The following C19orf44 variants were observed in gnomAD, a reference collection of about 807,000 sequenced individuals.
C19orf44 encodes the protein chromosome 19 open reading frame 44.
A neutral mutation model predicts 50.7 loss-of-function variants in C19orf44; 43 were observed. That is an observed-to-expected ratio of 0.85 (90% confidence interval 0.66 to 1.09). C19orf44 has a LOEUF of 1.09. C19orf44 is among the 50% of genes least tolerant of loss of function. The pLI is 0.00. For missense variants in C19orf44, 722 were observed against 836.2 expected (o/e 0.86, Z 1.68); for synonymous variants, 298 against 334.7 (o/e 0.89, Z 1.20).
Position 16,509,704 on chromosome 19 carries a change from T to G in C19orf44, c.1355T>G (p.Met452Arg), listed in dbSNP as rs140516141. 6.2e-7 allele frequency: 1 copy of G among 1,614,254 alleles called. No homozygotes were observed. Among genetic ancestry groups the G allele is most frequent in the Non-Finnish European group, 8.5e-7 (1 of 1,180,052 alleles). ...SAIQQDSTSS[M>R]QPPSEAPMVN... ...ATCCAGCAGGACAGCACTTCCAGCATGCAGCCACCATCTGAAGCCCCCATG... is the reference window on the plus strand; with the variant it reads ...ATCCAGCAGGACAGCACTTCCAGCAGGCAGCCACCATCTGAAGCCCCCATG... The change falls in exon 5 of 9, where the codon ATG becomes AGG. Residue 452 changes from methionine (M) to arginine (R), a missense_variant. Transcript: ENST00000221671.
At chr19:16,512,990 C>T (rs758687111) in intron 5 of C19orf44, 24 bp from the exon 6 acceptor site, 9 of 1,605,390 alleles carry the variant, frequency 5.6e-6, no homozygotes, top group Middle Eastern at 1.7e-4. Context: ...TGCCTGCTTA[C>T]CCCTCTCTTT....
At chr19:16,518,887 G>A (rs2085576585) in intron 8 of C19orf44, 1 of 492,142 alleles carries the variant, frequency 2.0e-6, no homozygotes, top group African/African-American at 2.0e-5. Context: ...AGGGTCTTGT[G>A]TTTTTTGCTT....
intron 1 of C19orf44, among the ~76,000 whole-genome samples, chr19:16,497,205 C>T (rs1375437090): frequency 6.6e-6 from 1 of 151,946 alleles, no homozygotes; most frequent in Non-Finnish European, 1.5e-5. Flanking sequence ...GCCTTGGCCT[C>T]CCAAAGTGCT....
chr19:16,509,310 C>T (rs967995672), intron 4 of C19orf44, among the ~76,000 whole-genome samples, 189 bp from the exon 5 acceptor site: 2 of 152,160 alleles, frequency 1.3e-5, no homozygotes, highest in Admixed American at 6.5e-5. Context: ...CCTGCAGCCC[C>T]GTGGACATGC....
rs758193300 is a variant in C19orf44 at position 16,503,226 on chromosome 19, C to A, written c.921C>A (p.Thr307=). ...CACAGAGTCACGTTTCCAGTGACAC[C>A]GCCTCCCACACGCCGTCAGTTTCCA... ...DYPQSHVSSD[T]ASHTPSVSIT... Residue 307 remains threonine, a synonymous_variant, in exon 3 of 9, where the codon ACC becomes ACA. Coordinates refer to ENST00000221671, the MANE Select transcript of C19orf44 (RefSeq NM_032207.4). 6 of 1,613,968 alleles carry A rather than the reference C, an allele frequency of 3.7e-6. No individual in the cohort carries two copies. The highest frequency in any genetic ancestry group is 1.3e-5 in the African/African-American group (1 of 74,876).
In C19orf44 at chr19:16,509,634, G is replaced by A. The variant is rs1297004940; in HGVS notation, c.1285G>A (p.Glu429Lys). The change falls in exon 5 of 9, where the codon GAG becomes AAG. Residue 429 changes from glutamate to lysine, a missense_variant. By Grantham distance (56) the Glu-to-Lys change is moderately conservative. Transcript: ENST00000221671. ...QGKAASAEGD[E>K]SEVSEHLSAS... ...AAAGGCCGCCTCTGCAGAGGGGGATGAGAGCGAGGTCTCGGAGCATCTCAG... is the reference window on the plus strand; with the variant it reads ...AAAGGCCGCCTCTGCAGAGGGGGATAAGAGCGAGGTCTCGGAGCATCTCAG... 1 of 1,614,256 alleles carries A rather than the reference G, an allele frequency of 6.2e-7. No homozygotes were observed. Among genetic ancestry groups the A allele is most frequent in the Non-Finnish European group, 8.5e-7 (1 of 1,180,054 alleles).
chr19:16,497,431 A>C (rs1403329155), intron 1 of C19orf44, among the ~76,000 whole-genome samples: 2 of 140,990 alleles, frequency 1.4e-5, no homozygotes, highest in Non-Finnish European at 3.0e-5. Flanking sequence ...GCTCACTGCG[A>C]ACTCCGCCTC....
rs746597113 is a variant in C19orf44, at chr19:16,519,192, G to C, written c.*41-902G>C. The stretch of plus-strand genomic sequence containing the variant: ...ACTCGTCCCTGGCCTTCATGCGGGC[G>C]ATGAAGGAGTAGCTCTTGTTCCTGC... On this transcript the variant is annotated intron_variant, in intron 8 of 8. Transcript: ENST00000221671. This position sits in a 1 kb window ranked among gnomAD's most constrained non-coding sequence, Gnocchi z 6.0. 6.2e-7 allele frequency: 1 copy of C among 1,613,938 alleles called. No individual in the cohort carries two copies.
intron 4 of C19orf44, among the ~76,000 whole-genome samples, 167 bp from the exon 5 acceptor site, chr19:16,509,332 C>T (rs765550604): frequency 3.9e-5 from 6 of 152,204 alleles, no homozygotes; most frequent in Non-Finnish European, 7.3e-5. Flanking sequence ...GTACTGAAGA[C>T]GCCACAGTTC....
chr19:16,514,627 C>G lies in C19orf44; in HGVS notation c.1866C>G (p.Asp622Glu), dbSNP rs1667891055. The G allele has an allele frequency of 6.3e-7, 1 of 1,588,134 alleles. No homozygotes were observed. Among genetic ancestry groups the G allele is most frequent in the Non-Finnish European group, 8.6e-7 (1 of 1,168,522 alleles). ...HASLLRSLDA[D>E]SFHYHTLEEA... ...CCCTCCTGCGCTCCCTGGACGCGGA[C>G]TCCTTCCACTACCACACCCTGGAGG... The change falls in exon 7 of 9, where the codon GAC becomes GAG. Residue 622 changes from aspartate (D) to glutamate (E), a missense_variant. Coordinates refer to ENST00000221671, the MANE Select transcript of C19orf44 (RefSeq NM_032207.4).
At position 16,519,975 on chromosome 19, in the gene C19orf44, T is replaced by C. The variant is rs1363901164; in HGVS notation, c.*41-119T>C. 1.4e-6 allele frequency: 1 copy of C among 726,026 alleles called. No homozygotes were observed. The highest frequency in any genetic ancestry group is 2.3e-6 in the Non-Finnish European group (1 of 435,628). The allele number at this position is 726,026 out of a possible 1,614,324, so 45.0% of individuals were successfully genotyped here. A position where few individuals can be genotyped will look rare whatever the true frequency, so the allele number is the denominator to read the frequency against. ...TGGTTAGAAAGCAGACCCCAGTTAC[T>C]GCCTCAGGCTTCGCCAAGTGGCTAC... On this transcript the variant is annotated intron_variant, in intron 8 of 8. Coordinates refer to ENST00000221671, the MANE Select transcript of C19orf44 (RefSeq NM_032207.4). The surrounding 1 kb of genome is among the most constrained non-coding windows in gnomAD (Gnocchi z 6.0).
Position 16,514,559 on chromosome 19 carries a change from C to T in C19orf44, c.1798C>T (p.Leu600=). The stretch of plus-strand genomic sequence containing the variant: ...TGATGTGCTGAAGCAGCAGCTGAGC[C>T]TGACGCAGCAGTTCATCCAGGCCAG... ...LHDVLKQQLS[L]TQQFIQASRH... is the part of the protein sequence containing the mutation. Residue 600 remains leucine, a synonymous_variant, in exon 7 of 9, where the codon CTG becomes TTG. Coordinates refer to ENST00000221671, the MANE Select transcript of C19orf44 (RefSeq NM_032207.4). The T allele has an allele frequency of 6.2e-7, 1 of 1,611,584 alleles. No homozygotes were observed. The highest frequency in any genetic ancestry group is 8.5e-7 in the Non-Finnish European group (1 of 1,179,626).
chr19:16,520,131 C>CTTTATT lies in C19orf44; in HGVS notation c.*80_*81insTATTTT. 1.2e-6 allele frequency: 2 copies of CTTTATT among 1,610,772 alleles called. No homozygotes were observed. The highest frequency in any genetic ancestry group is 1.7e-6 in the Non-Finnish European group (2 of 1,178,372). On this transcript the variant is annotated 3_prime_UTR_variant, in exon 9 of 9. Transcript: ENST00000221671. This position sits in a 1 kb window ranked among gnomAD's most constrained non-coding sequence, Gnocchi z 4.0. ...GCTTCCCAGAGTTACCAGCGCAGCA[C>CTTTATT]TTAAGACAGGATCTTACGGCGGGGT...
At position 16,521,009 on chromosome 19, in the gene C19orf44, G is replaced by A. The variant is rs1340225910; in HGVS notation, c.*956G>A. 1.9e-6 allele frequency: 2 copies of A among 1,048,900 alleles called. No individual in the cohort carries two copies. The highest frequency in any genetic ancestry group is 2.9e-6 in the Non-Finnish European group (2 of 678,880). 65.0% of individuals were successfully genotyped at this position (1,048,900 alleles called of 1,614,324 possible). On this transcript the variant is annotated 3_prime_UTR_variant, in exon 9 of 9. Coordinates refer to ENST00000221671, the MANE Select transcript of C19orf44 (RefSeq NM_032207.4). ...GAGTTAATCCACAGAACCTTGGAGA[G>A]TACATGGCCCTGTGGCTGTGGGCTC...
chr19:16,509,864 GAAGA>G lies in C19orf44; in HGVS notation c.1516_1519del (p.Lys506GlnfsTer17), dbSNP rs1568497049. 6.2e-7 allele frequency: 1 copy of G among 1,614,250 alleles called. No homozygotes were observed. The highest frequency in any genetic ancestry group is 8.5e-7 in the Non-Finnish European group (1 of 1,180,052). ...CTTTGTCTGAATCCTCTTCAAGTGT[GAAGA>G]CAGACCTTCCACAAACAGCCGAGTC... On this transcript the variant is annotated frameshift_variant, in exon 5 of 9. Transcript: ENST00000221671. LOFTEE classifies it high-confidence loss of function.
intron 5 of C19orf44, among the ~76,000 whole-genome samples, chr19:16,511,354 G>A (rs928921141): frequency 3.3e-5 from 5 of 151,568 alleles, no homozygotes; most frequent in African/African-American, 9.7e-5. Flanking sequence ...ATTTTAAAAT[G>A]TTCTTTGTAG....
chr19:16,510,218 C>T, intron 5 of C19orf44: 1 of 531,974 alleles, frequency 1.9e-6, no homozygotes, highest in Non-Finnish European at 3.3e-6. Context: ...ACCAGTCTGG[C>T]CAACACAGGG....
At chr19:16,507,135 G>A (rs1399171985) in intron 4 of C19orf44, among the ~76,000 whole-genome samples, 1 of 152,224 alleles carries the variant, frequency 6.6e-6, no homozygotes, top group Admixed American at 6.5e-5. Flanking sequence ...GTGGAGGCCA[G>A]GAACACTGCT....
rs777007569 is a variant in C19orf44 at position 16,506,733 on chromosome 19, C to G, written c.1108C>G (p.Leu370Val). The part of the protein sequence containing the change: ...FRINILSLDG[L>V]APAVSENSDL... ...AATAAATATTTTATCGCTTGACGGT[C>G]TGGCTCCAGCTGTCAGTGAGAACTC... is the stretch of plus-strand genomic sequence containing the variant. Residue 370 changes from leucine (L) to valine (V), a missense_variant, in exon 4 of 9, where the codon CTG becomes GTG. By Grantham distance (32) the Leu-to-Val change is conservative. Transcript: ENST00000221671. 4 of 1,605,846 alleles carry G rather than the reference C, an allele frequency of 2.5e-6. No homozygotes were observed. In the South Asian group the frequency reaches 3.4e-5, roughly 14 times the overall value.
Sources: allele counts gnomAD v4.1 joint callset (sites outside exome capture counted in the v4.1 genomes callset), GRCh38; gene constraint gnomAD v4.1.1; non-coding constraint Gnocchi (gnomAD v3.1); transcripts MANE v1.5; gene names NCBI Gene and HGNC (gene_info 2026-07-23, HGNC 2026-07-21).